STK3: variants seen among roughly 807,000 people sequenced by gnomAD.
STK3 encodes serine/threonine kinase 3.
Under a neutral mutation model 58.0 loss-of-function variants are expected in STK3, and 41 were observed. The observed-to-expected ratio is 0.71, with a 90% CI of 0.55 to 0.92. The LOEUF (loss-of-function observed/expected upper bound fraction) is 0.92. Ranked by LOEUF, STK3 falls within the 40% of genes least tolerant of loss-of-function variation. The probability of loss-of-function intolerance (pLI) is 0.00; values close to 1 mark genes in which losing one functional copy is unlikely to be tolerated. For missense variants in STK3, 479 were observed against 602.7 expected, an observed-to-expected ratio of 0.79 and a Z score of 2.15; for synonymous variants, 170 against 191.0, an observed-to-expected ratio of 0.89 and a Z score of 0.91.
chr8:98,448,444 T>C (rs899611153), intron 1 of STK3, among the ~76,000 whole-genome samples: 5 of 152,270 alleles, frequency 3.3e-5, no homozygotes, highest in African/African-American at 1.2e-4. Flanking sequence ...TTGCCAAGAA[T>C]ATTTTCTTTC....
intron 7 of STK3, among the ~76,000 whole-genome samples, chr8:98,593,845 T>C (rs904342552): frequency 1.3e-5 from 2 of 152,106 alleles, no homozygotes; most frequent in African/African-American, 4.8e-5. Flanking sequence ...GTTCCTAGGC[T>C]TCCTGCTAAA....
At chr8:98,805,372 G>C (rs1833832895) in intron 1 of STK3, among the ~76,000 whole-genome samples, 1 of 152,144 alleles carries the variant, frequency 6.6e-6, no homozygotes, top group Non-Finnish European at 1.5e-5. Context: ...TTGAGGTCAG[G>C]AGTTCCAGCC....
At chr8:98,569,238 G>T (rs552958177) in intron 8 of STK3, among the ~76,000 whole-genome samples, 4 of 152,138 alleles carry the variant, frequency 2.6e-5, no homozygotes, top group Admixed American at 2.0e-4. Context: ...GGTCAGATAT[G>T]CAATGACTGA....
At chr8:98,868,373 C>T (rs1587774581) in intron 3 of STK3, among the ~76,000 whole-genome samples, 1 of 152,256 alleles carries the variant, frequency 6.6e-6, no homozygotes, top group South Asian at 2.1e-4. Context: ...CACCACTTCC[C>T]CTGGATAGCA....
intron 8 of STK3, among the ~76,000 whole-genome samples, chr8:98,574,856 A>T (rs1813266972): frequency 6.6e-6 from 1 of 152,200 alleles, no homozygotes; most frequent in Non-Finnish European, 1.5e-5. Flanking sequence ...GTAGGAATAG[A>T]ACTTAGTTTT....
At position 98,609,133 on chromosome 8, in the gene STK3, T is replaced by A. The variant is rs544472166; in HGVS notation, c.685-12964A>T. ...ATTATGCTCATACTACATCACTGATTACCTAAATTCACACCCTGACAAAGA... is the reference window on the plus strand; with the variant it reads ...ATTATGCTCATACTACATCACTGATAACCTAAATTCACACCCTGACAAAGA... On this transcript the variant is annotated intron_variant, in intron 6 of 10. Coordinates refer to ENST00000419617, the MANE Select transcript of STK3 (RefSeq NM_006281.4). Among the ~76,000 whole-genome samples the A allele has an allele frequency of 7.9e-5, 12 of 152,328 alleles. No homozygotes were observed. In the South Asian group the frequency reaches 2.5e-3, roughly 32 times the overall value.
intron 6 of STK3, among the ~76,000 whole-genome samples, chr8:98,696,794 T>C (rs1587331219): frequency 6.6e-6 from 1 of 152,006 alleles, no homozygotes; most frequent in South Asian, 2.1e-4. Context: ...TCAATGTTCA[T>C]CAAGGATATT....
chr8:98,887,137 T>A (rs1051475770), intron 1 of STK3, among the ~76,000 whole-genome samples: 2 of 152,108 alleles, frequency 1.3e-5, no homozygotes, highest in Non-Finnish European at 2.9e-5. Flanking sequence ...TTACTTATAA[T>A]ACCTAATACA....
At chr8:98,904,528 G>C in intron 1 of STK3, 1 of 450,006 alleles carries the variant, frequency 2.2e-6, no homozygotes, top group Non-Finnish European at 4.4e-6. Context: ...AAAGGGGACC[G>C]CACGGAGCAA....
At chr8:98,847,349 G>A (rs1836246334) in intron 3 of STK3, among the ~76,000 whole-genome samples, 1 of 152,200 alleles carries the variant, frequency 6.6e-6, no homozygotes, top group African/African-American at 2.4e-5. Context: ...AAAGTAAGGA[G>A]TCTGCCCTAG....
chr8:98,934,857 C>T (rs1400650514), intron 1 of STK3, among the ~76,000 whole-genome samples: 1 of 151,764 alleles, frequency 6.6e-6, no homozygotes, highest in African/African-American at 2.4e-5. Flanking sequence ...GTGGAAGTTG[C>T]AATGAGCTGA....
chr8:98,861,032 C>G (rs572923814), intron 3 of STK3, among the ~76,000 whole-genome samples: 1 of 152,090 alleles, frequency 6.6e-6, no homozygotes, highest in South Asian at 2.1e-4. Flanking sequence ...TACACTCCAG[C>G]CTGGGGGACA....
At chr8:98,620,409 A>G (rs1818176800) in intron 6 of STK3, among the ~76,000 whole-genome samples, 1 of 145,450 alleles carries the variant, frequency 6.9e-6, no homozygotes, top group Non-Finnish European at 1.5e-5. Flanking sequence ...TGGCACATGT[A>G]TACATATGTA....
chr8:98,726,314 G>A (rs1455922362), intron 4 of STK3, among the ~76,000 whole-genome samples: 1 of 152,086 alleles, frequency 6.6e-6, no homozygotes, highest in East Asian at 1.9e-4. Flanking sequence ...CTATGTAGGG[G>A]ACTATATATT....
chr8:98,845,915 T>A (rs1836182950), intron 3 of STK3, among the ~76,000 whole-genome samples: 1 of 152,190 alleles, frequency 6.6e-6, no homozygotes, highest in African/African-American at 2.4e-5. Flanking sequence ...CACTACTGAC[T>A]TAAAGACCAG....
chr8:98,841,987 C>A (rs1836007588), intron 3 of STK3, among the ~76,000 whole-genome samples: 1 of 151,926 alleles, frequency 6.6e-6, no homozygotes, highest in African/African-American at 2.4e-5. Flanking sequence ...TGTTCTAGTT[C>A]ATCAGCAATA....
In STK3 at chr8:98,923,852, TGTGCGCGCGC is replaced by T. The variant is rs776848667; in HGVS notation, c.-79+18516_-79+18525del. ...ACGTGTGTGTGTGTGTGTGTGTGTG[TGTGCGCGCGC>T]GCGCGCGCGCGCGCGTTGACAATGA... On this transcript the variant is annotated intron_variant, in intron 1 of 1. Coordinates refer to the STK3 transcript ENST00000519420. Among the ~76,000 whole-genome samples the T allele has an allele frequency of 1.2e-3, 152 of 128,364 alleles. 2 individuals are homozygous for T. In the South Asian group the frequency reaches 0.016, roughly 13 times the overall value. The allele number at this position is 128,364 out of a possible 152,430, so 84.2% of individuals were successfully genotyped here.
the STK3 span, among the ~76,000 whole-genome samples, chr8:98,362,454 T>C: frequency 7.9e-5 from 12 of 152,124 alleles, no homozygotes; most frequent in Non-Finnish European, 1.3e-4. Context: ...GCTTCTATTA[T>C]TCTATTGGTC....
At chr8:98,803,279 CTGG>C (rs1833686122) in intron 1 of STK3, among the ~76,000 whole-genome samples, 1 of 152,014 alleles carries the variant, frequency 6.6e-6, no homozygotes, top group African/African-American at 2.4e-5. Context: ...AATGAATAAA[CTGG>C]CCACGGCAAT....
Sources: gnomAD v4.1 joint callset for allele counts (sites outside exome capture counted in the v4.1 genomes callset) on GRCh38, gnomAD v4.1.1 for gene constraint, MANE v1.5 for transcripts, NCBI Gene and HGNC (gene_info 2026-07-23, HGNC 2026-07-21) for gene names.